The following AHNAK2 variants were observed in gnomAD, a reference collection of about 807,000 sequenced individuals.
AHNAK2 encodes the protein AHNAK nucleoprotein 2.
Under a neutral mutation model 30.7 loss-of-function variants are expected in AHNAK2, and 18 were observed. The observed-to-expected ratio is 0.59, with a 90% CI of 0.41 to 0.87. The LOEUF is 0.87. AHNAK2 is among the 40% of genes least tolerant of loss of function. The pLI, the probability that AHNAK2 is intolerant of heterozygous loss-of-function variation, is 0.00. For synonymous variants in AHNAK2, 3,590 were observed against 3,073.8 expected (o/e 1.17, Z -5.56); for missense variants, 8,604 against 7,373.0 (o/e 1.17, Z -6.11).
In AHNAK2 at chr14:104,945,382, T is replaced by A. The variant is rs375513719; in HGVS notation, c.10069A>T (p.Ser3357Cys). The A allele has an allele frequency of 1.9e-6, 3 of 1,612,794 alleles. No individual in the cohort carries two copies. The highest frequency in any genetic ancestry group is 2.7e-5 in the African/African-American group (2 of 74,698). The change falls in exon 7 of 7, where the codon AGC becomes TGC. Residue 3357 changes from serine (S) to cysteine (C), a missense_variant. By Grantham distance (112) the Ser-to-Cys change is moderately radical. Transcript: ENST00000333244. ...AGGTCCACAGAAGGGAGCTGAATGC[T>A]GAGGTCAGTGGTCTTGAGGTCCCCC... ...MQGDLKTTDL[S>C]IQLPSVDLEV... is the part of the protein sequence containing the mutation.
In AHNAK2 at chr14:104,947,046, G is replaced by C; in HGVS notation, c.8405C>G (p.Ala2802Gly). ...GTCTTTGGCTGTCATGCCCTTGTCG[G>C]CCAGGGACAGGTCCCCCTCCAGCCG... ...GARLEGDLSLADKGMTAKDSK... is the reference protein window; with the variant it reads ...GARLEGDLSLGDKGMTAKDSK... Residue 2802 changes from alanine to glycine, a missense_variant, in exon 7 of 7, where the codon GCC becomes GGC. Physicochemically the swap from Ala to Gly is moderately conservative, Grantham distance 60. Transcript: ENST00000333244. 1.2e-6 allele frequency: 2 copies of C among 1,612,410 alleles called. No individual in the cohort carries two copies. Among genetic ancestry groups the C allele is most frequent in the Non-Finnish European group, 1.7e-6 (2 of 1,179,608 alleles).
rs745352614 is a variant in AHNAK2, at chr14:104,948,630, G to T, written c.6821C>A (p.Ala2274Asp). 1 of 1,611,106 alleles carries T rather than the reference G, an allele frequency of 6.2e-7. No individual in the cohort carries two copies. Among genetic ancestry groups the T allele is most frequent in the East Asian group, 2.2e-5 (1 of 44,604 alleles). Residue 2274 changes from alanine (A) to aspartate (D), a missense_variant, in exon 7 of 7, where the codon GCC (alanine) becomes GAC (aspartate). By Grantham distance (126) the Ala-to-Asp change is moderately radical. Transcript: ENST00000333244. ...DLKDPKVEVT[A>D]PDVEVSLPSV... is the part of the protein sequence containing the mutation. ...GGGCAGAGACACCTCCACATCAGGG[G>T]CTGTCACTTCCACCTTGGGGTCTTT...
Position 104,951,778 on chromosome 14 carries a change from C to T in AHNAK2, c.3673G>A (p.Gly1225Ser), listed in dbSNP as rs368222375. ...PPSADLEVHA[G>S]QVDVKLLEGH... ...TCCAGGAGCTTCACGTCCACCTGGCCAGCGTGGACCTCCAGGTCAGCGGAA... is the reference window on the plus strand; with the variant it reads ...TCCAGGAGCTTCACGTCCACCTGGCTAGCGTGGACCTCCAGGTCAGCGGAA... The change falls in exon 7 of 7, where the codon GGC becomes AGC. Residue 1225 changes from glycine to serine, a missense_variant. Gly to Ser is a moderately conservative substitution (Grantham distance 56). Transcript: ENST00000333244. 2.3e-4 allele frequency: 310 copies of T among 1,330,870 alleles called. 99 individuals are homozygous for T. Among genetic ancestry groups the T allele is most frequent in the Non-Finnish European group, 3.2e-4 (299 of 940,406 alleles). The allele number at this position is 1,330,870 out of a possible 1,614,324, so 82.4% of individuals were successfully genotyped here. A position where few individuals can be genotyped will look rare whatever the true frequency, so the allele number is the denominator to read the frequency against.
At chr14:104,967,658 G>A (rs1899341638) in intron 1 of AHNAK2, among the ~76,000 whole-genome samples, 1 of 152,216 alleles carries the variant, frequency 6.6e-6, no homozygotes, top group Admixed American at 6.5e-5. Context: ...ATGGAGTGCA[G>A]AGGCTCAGCG....
In AHNAK2 at chr14:104,950,243, G is replaced by A. The variant is rs372130125; in HGVS notation, c.5208C>T (p.Gly1736=). The A allele has an allele frequency of 1.2e-4, 188 of 1,585,610 alleles. 25 individuals carry two copies. Among genetic ancestry groups the A allele is most frequent in the Non-Finnish European group, 1.5e-4 (178 of 1,162,852 alleles). The change falls in exon 7 of 7, where the codon GGC becomes GGT. Residue 1736 remains glycine, a synonymous_variant. Coordinates refer to ENST00000333244, the MANE Select transcript of AHNAK2 (RefSeq NM_138420.4). ...LPEGPLPEGA[G]FKGHLPKVQM... is the part of the protein sequence containing the mutation. ...GCACCTTGGGGAGGTGCCCTTTGAA[G>A]CCGGCTCCCTCGGGAAGGGGGCCCT... is the stretch of plus-strand genomic sequence containing the variant.
In AHNAK2 at chr14:104,940,074, T is replaced by C. The variant is rs1335824756; in HGVS notation, c.15377A>G (p.Asp5126Gly). The C allele has an allele frequency of 5.0e-6, 8 of 1,613,326 alleles. No individual in the cohort carries two copies. Among genetic ancestry groups the C allele is most frequent in the East Asian group, 2.2e-5 (1 of 44,876 alleles). ...PEADLPLPKH[D>G]LSTEGDSRGC... ...TCTGCTGTCACCTTCGGTAGACAGA[T>C]CATGTTTGGGAAGAGGCAGGTCAGC... Residue 5126 changes from aspartate (D) to glycine (G), a missense_variant, in exon 7 of 7, where the codon GAT becomes GGT. Transcript: ENST00000333244. The surrounding 1 kb of genome is among the most constrained non-coding windows in gnomAD (Gnocchi z 4.4).
At chr14:104,965,414 AAAAAAAAG>A (rs1899273287) in intron 1 of AHNAK2, among the ~76,000 whole-genome samples, 1 of 151,568 alleles carries the variant, frequency 6.6e-6, no homozygotes, top group Non-Finnish European at 1.5e-5. Flanking sequence ...AAAAAAAAAA[AAAAAAAAG>A]AAAAGAAAAG....
chr14:104,977,926 A>C (rs1899637279), intron 1 of AHNAK2, among the ~76,000 whole-genome samples: 1 of 152,238 alleles, frequency 6.6e-6, no homozygotes, highest in East Asian at 1.9e-4. Flanking sequence ...ACCGAGAAAC[A>C]AAGTGAGCGA....
Position 104,942,425 on chromosome 14 carries a change from C to T in AHNAK2, c.13026G>A (p.Lys4342=). The change falls in exon 7 of 7, where the codon AAG becomes AAA. Residue 4342 remains lysine, a synonymous_variant. Transcript: ENST00000333244. The stretch of plus-strand genomic sequence containing the variant: ...GGGGCTGAATGCTGAGGTGAGTGGT[C>T]TTCAGGTCCCCCTGCATGGAGGGGA... ...VSLPSMQGDL[K]TTHLSIQPPS... is the part of the protein sequence containing the mutation. The T allele has an allele frequency of 6.2e-7, 1 of 1,612,990 alleles. No homozygotes were observed. The highest frequency in any genetic ancestry group is 8.5e-7 in the Non-Finnish European group (1 of 1,179,544).
chr14:104,973,103 G>T (rs986781525), intron 1 of AHNAK2, among the ~76,000 whole-genome samples: 1 of 152,256 alleles, frequency 6.6e-6, no homozygotes, highest in African/African-American at 2.4e-5. Flanking sequence ...GCACCACGTG[G>T]TGGGACTCAG....
rs371283140 is a variant in AHNAK2 at position 104,950,941 on chromosome 14, C to A, written c.4510G>T (p.Gly1504Trp). Residue 1504 changes from glycine (G) to tryptophan (W), a missense_variant, in exon 7 of 7, where the codon GGG becomes TGG. Transcript: ENST00000333244. ...ATGGACTTGCCTGGGGCAGACACCC[C>A]GAACGACGGCATCTTGAACTTGGGC... ...KMPKFKMPSF[G>W]VSAPGKSIEA... 9 of 1,536,168 alleles carry A rather than the reference C, an allele frequency of 5.9e-6. No homozygotes were observed. The African/African-American group carries it at 1.3e-4, about 22-fold the overall frequency.
In AHNAK2 at chr14:104,946,662, G is replaced by A. The variant is rs375454064; in HGVS notation, c.8789C>T (p.Ala2930Val). ...GPKLDLKGPK[A>V]EVTAPDVEVS... ...CTCCACGTCGGGGGCCGTCACCTCC[G>A]CCTTGGGGCCTTTCAGGTCCAGCTT... Residue 2930 changes from alanine to valine, a missense_variant, in exon 7 of 7, where the codon GCG becomes GTG. By Grantham distance (64) the Ala-to-Val change is moderately conservative. Coordinates refer to ENST00000333244, the MANE Select transcript of AHNAK2 (RefSeq NM_138420.4). 84 of 1,612,514 alleles carry A rather than the reference G, an allele frequency of 5.2e-5. 1 individual carries two copies. Among genetic ancestry groups the A allele is most frequent in the East Asian group, 1.3e-4 (6 of 44,726 alleles).
intron 1 of AHNAK2, among the ~76,000 whole-genome samples, chr14:104,965,943 G>T (rs370967219): frequency 1.3e-5 from 2 of 152,134 alleles, no homozygotes; most frequent in East Asian, 3.9e-4. Context: ...CACTGCTCCC[G>T]CAGAGGCACC....
In AHNAK2 at chr14:104,968,382, C is replaced by T. The variant is rs565267681; in HGVS notation, c.55+9801G>A. On this transcript the variant is annotated intron_variant, in intron 1 of 6. Coordinates refer to ENST00000333244, the MANE Select transcript of AHNAK2 (RefSeq NM_138420.4). ...GGCCTCAGGCAGTGTGTCTGGGGGA[C>T]GAGCAGATCCTGGCCGGGAGGCGGG... 1.1e-4 allele frequency among the ~76,000 whole-genome samples: 16 copies of T among 152,030 alleles called. No homozygotes were observed. The East Asian group carries it at 1.6e-3, about 15-fold the overall frequency.
At chr14:104,955,352 G>A (rs1010693549) in intron 5 of AHNAK2, 131 bp downstream of exon 5, 2 of 1,372,014 alleles carry the variant, frequency 1.5e-6, no homozygotes, top group Non-Finnish European at 2.0e-6. Context: ...CCAGCCTCAA[G>A]CTGTTGAGCA....
At chr14:104,955,405 C>T in intron 5 of AHNAK2, 78 bp downstream of exon 5, 1 of 1,525,196 alleles carries the variant, frequency 6.6e-7, no homozygotes. Context: ...GTGGTTCTTA[C>T]CCCTCAATAC....
rs769041803 is a variant in AHNAK2, at chr14:104,944,974, C to T, written c.10477G>A (p.Glu3493Lys). Residue 3493 changes from glutamate to lysine, a missense_variant, in exon 7 of 7, where the codon GAG becomes AAG. Physicochemically the swap from Glu to Lys is moderately conservative, Grantham distance 56 (BLOSUM62 1). Transcript: ENST00000333244. Reference sequence around the variant, plus strand: ...GGCGCAGACACATCCAGCGAGGCCTCGATGGACCTGCCTGGGGCCGACACC... The same window carrying T: ...GGCGCAGACACATCCAGCGAGGCCTTGATGGACCTGCCTGGGGCCGACACC... ...FGVSAPGRSI[E>K]ASLDVSAPKV... 29 of 1,612,176 alleles carry T rather than the reference C, an allele frequency of 1.8e-5. No homozygotes were observed. Among genetic ancestry groups the T allele is most frequent in the South Asian group, 7.7e-5 (7 of 90,984 alleles).
Position 104,941,565 on chromosome 14 carries a change from T to C in AHNAK2, c.13886A>G (p.Gln4629Arg). Residue 4629 changes from glutamine to arginine, a missense_variant, in exon 7 of 7, where the codon CAA (glutamine) becomes CGA (arginine). Coordinates refer to ENST00000333244, the MANE Select transcript of AHNAK2 (RefSeq NM_138420.4). ...EDVAGKDSKF[Q>R]GPKLSTSGFE... ...ACCAGACGTGCTCAGTTTTGGTCCTTGAAACTTACTGTCTTTCCCAGCTAC... is the reference window on the plus strand; with the variant it reads ...ACCAGACGTGCTCAGTTTTGGTCCTCGAAACTTACTGTCTTTCCCAGCTAC... 6.2e-7 allele frequency: 1 copy of C among 1,613,164 alleles called. No individual in the cohort carries two copies.
At chr14:104,970,306 C>T in intron 1 of AHNAK2, 1 of 580,040 alleles carries the variant, frequency 1.7e-6, no homozygotes, top group Non-Finnish European at 2.2e-6. Flanking sequence ...GGTGAACTAA[C>T]ACCCCTGCCC....
Sources: gnomAD v4.1 joint callset for allele counts (sites outside exome capture counted in the v4.1 genomes callset) on GRCh38, gnomAD v4.1.1 for gene constraint, Gnocchi (gnomAD v3.1) non-coding constraint, MANE v1.5 for transcripts, NCBI Gene and HGNC (gene_info 2026-07-23, HGNC 2026-07-21) for gene names.